TGFBR3: variants seen among roughly 807,000 people sequenced by gnomAD.
TGFBR3 encodes the protein transforming growth factor beta receptor type 3.
A neutral mutation model predicts 87.9 loss-of-function variants in TGFBR3; 46 were observed. The observed-to-expected ratio is 0.52, with a 90% CI of 0.41 to 0.67. The LOEUF (loss-of-function observed/expected upper bound fraction) is 0.67, where lower values mean the gene tolerates loss of function less well. Ranked by LOEUF, TGFBR3 falls within the 30% of genes least tolerant of loss-of-function variation. TGFBR3 has a pLI of 0.00. For synonymous variants in TGFBR3, 381 were observed against 391.6 expected (o/e 0.97, Z 0.32); for missense variants, 866 against 1,041.9 (o/e 0.83, Z 2.32).
intron 4 of TGFBR3, among the ~76,000 whole-genome samples, chr1:91,747,159 T>A (rs1333571352): frequency 6.6e-6 from 1 of 152,170 alleles, no homozygotes; most frequent in African/African-American, 2.4e-5. Context: ...TCTGCTGGAC[T>A]CCAAAAATGA....
chr1:91,680,843 T>A lies in TGFBR3; in HGVS notation c.*2896A>T. On this transcript the variant is annotated 3_prime_UTR_variant, in exon 17 of 17. Transcript: ENST00000212355. Reference sequence around the variant, plus strand: ...AGCAGGAAATGGATTTACAATCTTATTACAAGGCAAAGAAAAAAACCATTT... The same window carrying A: ...AGCAGGAAATGGATTTACAATCTTAATACAAGGCAAAGAAAAAAACCATTT... 2.2e-6 allele frequency: 1 copy of A among 450,006 alleles called. No homozygotes were observed. Among genetic ancestry groups the A allele is most frequent in the Non-Finnish European group, 4.5e-6 (1 of 224,536 alleles). 27.9% of individuals were successfully genotyped at this position (450,006 alleles called of 1,614,324 possible).
chr1:91,868,508 G>A (rs1678463130), intron 1 of TGFBR3, among the ~76,000 whole-genome samples: 1 of 152,058 alleles, frequency 6.6e-6, no homozygotes, highest in East Asian at 1.9e-4. Context: ...CAACATTTCT[G>A]GTATAAGTTA....
At chr1:91,891,922 G>A (rs964431655) in intron 2 of TGFBR3, among the ~76,000 whole-genome samples, 6 of 152,004 alleles carry the variant, frequency 3.9e-5, no homozygotes, top group African/African-American at 9.7e-5. Context: ...TTTGGTTTTC[G>A]CTGATAAAAT....
intron 2 of TGFBR3, among the ~76,000 whole-genome samples, chr1:91,898,104 A>G (rs1165120499): frequency 1.3e-5 from 2 of 152,046 alleles, no homozygotes; most frequent in African/African-American, 4.8e-5. Flanking sequence ...CAGGAAAAAA[A>G]GAAAAAAAAT....
chr1:91,892,095 C>T (rs1679463315), intron 2 of TGFBR3, among the ~76,000 whole-genome samples: 1 of 152,224 alleles, frequency 6.6e-6, no homozygotes, highest in Admixed American at 6.5e-5. Context: ...CAAGTTCCTG[C>T]AAACTCACCA....
intron 7 of TGFBR3, among the ~76,000 whole-genome samples, chr1:91,727,263 G>A (rs1672583685): frequency 6.6e-6 from 1 of 152,234 alleles, no homozygotes; most frequent in South Asian, 2.1e-4. Flanking sequence ...CAAAATAAAA[G>A]CTGATATTCG....
intron 8 of TGFBR3, 23 bp from the exon 9 acceptor site, chr1:91,720,253 CAT>C: frequency 3.2e-6 from 5 of 1,559,952 alleles, no homozygotes; most frequent in Non-Finnish European, 4.3e-6. Context: ...GAAGGCAAAA[CAT>C]CAGCAGTGTT....
chr1:91,718,461 AC>A (rs1044756686), intron 10 of TGFBR3, among the ~76,000 whole-genome samples: 5 of 141,326 alleles, frequency 3.5e-5, no homozygotes, highest in East Asian at 2.2e-4. Flanking sequence ...CTAAGAAGAC[AC>A]CCCCCCTCCC....
intron 4 of TGFBR3, among the ~76,000 whole-genome samples, chr1:91,736,052 AT>A (rs1361635385): frequency 6.6e-6 from 1 of 152,190 alleles, no homozygotes; most frequent in African/African-American, 2.4e-5. Flanking sequence ...ACAAAATTAT[AT>A]TTTCCCAGCT....
intron 2 of TGFBR3, among the ~76,000 whole-genome samples, chr1:91,832,330 C>A (rs11165578): frequency 0.62 from 94,133 of 152,008 alleles, 29,487 homozygotes; most frequent in African/African-American, 0.72. Flanking sequence ...CAGAGACAAT[C>A]GATATTCCTT....
rs1279155579 is a variant in TGFBR3 at position 91,791,917 on chromosome 1, T to TG, written c.246+5369dup. Among the ~76,000 whole-genome samples, 9 of 152,280 alleles carry TG rather than the reference T, an allele frequency of 5.9e-5. No homozygotes were observed. The East Asian group carries it at 1.7e-3, about 29-fold the overall frequency. ...CACTACGGCTGCTAGTATTGTCATT[T>TG]GGGGGATGTGAGAGCTGTTAAGAGG... On this transcript the variant is annotated intron_variant, in intron 3 of 16. Transcript: ENST00000212355.
intron 7 of TGFBR3, among the ~76,000 whole-genome samples, chr1:91,723,388 G>A (rs1672435363): frequency 6.6e-6 from 1 of 151,084 alleles, no homozygotes; most frequent in Admixed American, 6.6e-5. Context: ...GGCTGAGGTG[G>A]GAGGATCACC....
chr1:91,757,385 G>A (rs190703792), intron 4 of TGFBR3, among the ~76,000 whole-genome samples: 4 of 152,248 alleles, frequency 2.6e-5, no homozygotes, highest in Admixed American at 1.3e-4. Context: ...CCTGGTTAAG[G>A]TATCATGGGA....
At chr1:91,739,799 C>T (rs1463875060) in intron 4 of TGFBR3, among the ~76,000 whole-genome samples, 1 of 152,162 alleles carries the variant, frequency 6.6e-6, no homozygotes, top group Non-Finnish European at 1.5e-5. Flanking sequence ...ACAGGCTGTA[C>T]AGGAAGCATG....
intron 2 of TGFBR3, among the ~76,000 whole-genome samples, chr1:91,849,943 A>G (rs1028325307): frequency 2.0e-5 from 3 of 151,928 alleles, no homozygotes; most frequent in Non-Finnish European, 4.4e-5. Flanking sequence ...TTAGCCGGGC[A>G]TGGTGGCGGG....
chr1:91,697,078 G>A (rs1671458548), intron 15 of TGFBR3, among the ~76,000 whole-genome samples: 1 of 152,136 alleles, frequency 6.6e-6, no homozygotes, highest in African/African-American at 2.4e-5. Flanking sequence ...GCTCCCTGGA[G>A]GTGAAGTTGA....
chr1:91,828,747 T>C, intron 2 of TGFBR3, among the ~76,000 whole-genome samples: 1 of 152,102 alleles, frequency 6.6e-6, no homozygotes, highest in East Asian at 1.9e-4. Flanking sequence ...AGACCGAAAT[T>C]CTTCCAGGAA....
chr1:91,801,350 C>T (rs1278602218), intron 2 of TGFBR3, among the ~76,000 whole-genome samples: 2 of 152,010 alleles, frequency 1.3e-5, no homozygotes, highest in African/African-American at 4.8e-5. Context: ...GTAATCAGGG[C>T]AAGAGAGATG....
chr1:91,813,606 T>C (rs1448464155), intron 2 of TGFBR3, among the ~76,000 whole-genome samples: 1 of 152,248 alleles, frequency 6.6e-6, no homozygotes, highest in African/African-American at 2.4e-5. Context: ...CAGCAAGCAC[T>C]GTTCATAGAA....
Sources: gnomAD v4.1 joint callset for allele counts (sites outside exome capture counted in the v4.1 genomes callset) on GRCh38, gnomAD v4.1.1 for gene constraint, MANE v1.5 for transcripts, NCBI Gene and HGNC (gene_info 2026-07-23, HGNC 2026-07-21) for gene names.